The following ASIC2 variants were observed in gnomAD, a reference collection of about 807,000 sequenced individuals.
The protein encoded by ASIC2 is acid-sensing ion channel 2.
A neutral mutation model predicts 57.3 loss-of-function variants in ASIC2; 25 were observed. The ratio of observed to expected loss-of-function variants is 0.44; its 90% confidence interval spans 0.32 to 0.61. ASIC2 has a LOEUF of 0.61. Ranked by LOEUF, ASIC2 falls within the 20% of genes least tolerant of loss-of-function variation. The probability of loss-of-function intolerance (pLI) is 0.06; values close to 1 mark genes in which losing one functional copy is unlikely to be tolerated. For missense variants in ASIC2, 641 were observed against 738.1 expected, an observed-to-expected ratio of 0.87 and a Z score of 1.52; for synonymous variants, 319 against 307.5, an observed-to-expected ratio of 1.04 and a Z score of -0.39.
At chr17:33,151,145 G>T (rs1415507831) in intron 1 of ASIC2, among the ~76,000 whole-genome samples, 1 of 151,324 alleles carries the variant, frequency 6.6e-6, no homozygotes, top group African/African-American at 2.4e-5. Flanking sequence ...TGCCAACATG[G>T]TGAAACCCCA....
chr17:34,034,723 C>T (rs1158331188), intron 1 of ASIC2, among the ~76,000 whole-genome samples: 1 of 152,056 alleles, frequency 6.6e-6, no homozygotes, highest in East Asian at 1.9e-4. Context: ...CAATAACAGA[C>T]AAACAGAGAG....
At chr17:33,323,789 A>G (rs1655184501) in intron 1 of ASIC2, among the ~76,000 whole-genome samples, 1 of 152,218 alleles carries the variant, frequency 6.6e-6, no homozygotes, top group African/African-American at 2.4e-5. Flanking sequence ...ATCTTTATAT[A>G]AGGTACAAAA....
intron 1 of ASIC2, among the ~76,000 whole-genome samples, chr17:33,750,378 T>G (rs1158410622): frequency 6.6e-6 from 1 of 152,176 alleles, no homozygotes; most frequent in Non-Finnish European, 1.5e-5. Context: ...GAAGACTGGA[T>G]GCTCTTCTCA....
chr17:33,543,377 T>C (rs1368974068), intron 1 of ASIC2, among the ~76,000 whole-genome samples: 1 of 152,176 alleles, frequency 6.6e-6, no homozygotes, highest in African/African-American at 2.4e-5. Context: ...GGGGCCTCTA[T>C]GCAAAATAAC....
intron 1 of ASIC2, among the ~76,000 whole-genome samples, chr17:33,868,576 C>G (rs2141929671): frequency 6.6e-6 from 1 of 152,000 alleles, no homozygotes; most frequent in East Asian, 1.9e-4. Context: ...ACTACAAGTA[C>G]AAGGAACAAA....
chr17:33,233,646 G>C (rs547921590), intron 1 of ASIC2, among the ~76,000 whole-genome samples: 4 of 151,812 alleles, frequency 2.6e-5, no homozygotes, highest in East Asian at 1.9e-4. Flanking sequence ...ACGGCATCAG[G>C]CTGGGTGGAT....
At chr17:33,100,262 C>T (rs890551364) in intron 2 of ASIC2, 2 of 152,306 alleles carry the variant, frequency 1.3e-5, no homozygotes, top group Admixed American at 6.5e-5. Context: ...TGGCCTCTAC[C>T]TATCTTTCCA....
At chr17:33,310,274 G>A (rs1241953862) in intron 1 of ASIC2, among the ~76,000 whole-genome samples, 1 of 151,866 alleles carries the variant, frequency 6.6e-6, no homozygotes, top group African/African-American at 2.4e-5. Context: ...GATCTCTAGG[G>A]TCATGCCCCA....
intron 1 of ASIC2, among the ~76,000 whole-genome samples, chr17:34,110,236 A>T (rs1054984850): frequency 2.0e-5 from 3 of 152,164 alleles, no homozygotes; most frequent in Non-Finnish European, 4.4e-5. Context: ...CTGAACAAAC[A>T]AACGTGGGCA....
chr17:33,629,239 T>A (rs2142025763), intron 1 of ASIC2, among the ~76,000 whole-genome samples: 1 of 141,648 alleles, frequency 7.1e-6, no homozygotes, highest in South Asian at 2.3e-4. Flanking sequence ...TCTGCCAGCT[T>A]TTCTTCCACT....
chr17:34,022,257 A>G (rs932712145), intron 1 of ASIC2, among the ~76,000 whole-genome samples: 1 of 152,124 alleles, frequency 6.6e-6, no homozygotes, highest in Admixed American at 6.5e-5. Flanking sequence ...CTTTGTCTGC[A>G]CTTGCAGTTC....
At chr17:33,166,081 G>A (rs925864040) in intron 1 of ASIC2, among the ~76,000 whole-genome samples, 9 of 152,132 alleles carry the variant, frequency 5.9e-5, no homozygotes, top group Non-Finnish European at 1.0e-4. Context: ...TTCCAACCTG[G>A]ACTGAATTCC....
chr17:34,004,798 A>C (rs1009447099), intron 1 of ASIC2: 2 of 145,996 alleles, frequency 1.4e-5, no homozygotes, highest in Non-Finnish European at 3.0e-5. Flanking sequence ...CTGATGTCCC[A>C]TGTGGCAAAC....
chr17:33,569,272 G>T (rs1916351513), intron 1 of ASIC2: 1 of 152,312 alleles, frequency 6.6e-6, no homozygotes, highest in Admixed American at 6.5e-5. Flanking sequence ...CATGTAGAAT[G>T]GTGACATGTC....
At chr17:33,075,942 T>C (rs924025570) in intron 3 of ASIC2, among the ~76,000 whole-genome samples, 1 of 152,140 alleles carries the variant, frequency 6.6e-6, no homozygotes, top group Non-Finnish European at 1.5e-5. Flanking sequence ...TTTTAGGAGC[T>C]AAGGAACAGT....
intron 1 of ASIC2, among the ~76,000 whole-genome samples, chr17:33,819,532 G>T (rs1029337499): frequency 2.0e-5 from 3 of 152,224 alleles, no homozygotes; most frequent in Admixed American, 2.0e-4. Flanking sequence ...CCTGGGATGT[G>T]AAGGGCATAC....
intron 1 of ASIC2, among the ~76,000 whole-genome samples, chr17:33,260,770 G>T (rs1567802166): frequency 6.6e-6 from 1 of 152,134 alleles, no homozygotes; most frequent in African/African-American, 2.4e-5. Context: ...CCCTTCCCAG[G>T]GGTGACCTTC....
At chr17:33,246,790 G>A (rs553870666) in intron 1 of ASIC2, among the ~76,000 whole-genome samples, 1 of 152,268 alleles carries the variant, frequency 6.6e-6, no homozygotes, top group East Asian at 1.9e-4. Context: ...TCAGGGAGAG[G>A]GAAGCTCAGG....
At chr17:33,491,681 T>C (rs1913764731) in intron 1 of ASIC2, among the ~76,000 whole-genome samples, 2 of 152,222 alleles carry the variant, frequency 1.3e-5, no homozygotes, top group Non-Finnish European at 1.5e-5. Flanking sequence ...AGCTGTTGGC[T>C]GAACGATCTC....
Sources: gnomAD v4.1 joint callset for allele counts (sites outside exome capture counted in the v4.1 genomes callset) on GRCh38, gnomAD v4.1.1 for gene constraint, MANE v1.5 for transcripts, NCBI Gene and HGNC (gene_info 2026-07-23, HGNC 2026-07-21) for gene names.